FMO4: variants seen among roughly 807,000 people sequenced by gnomAD.
The protein encoded by FMO4 is dimethylaniline monooxygenase [N-oxide-forming] 4.
Under a neutral mutation model 43.3 loss-of-function variants are expected in FMO4, and 38 were observed. The ratio of observed to expected loss-of-function variants is 0.88; its 90% CI spans 0.68 to 1.15. The LOEUF is 1.15. Ranked by LOEUF, FMO4 falls within the 50% of genes most tolerant of loss-of-function variation. The pLI, the probability that FMO4 is intolerant of heterozygous loss-of-function variation, is 0.00. For synonymous variants in FMO4, 224 were observed against 232.2 expected (o/e 0.96, Z 0.32); for missense variants, 631 against 663.3 (o/e 0.95, Z 0.54).
chr1:171,324,581 G>A (rs553681651), intron 5 of FMO4, among the ~76,000 whole-genome samples: 43 of 152,126 alleles, frequency 2.8e-4, no homozygotes, highest in African/African-American at 9.4e-4. Context: ...AATCAGATCT[G>A]TCATGAAAAA....
chr1:171,341,784 G>C lies in FMO4; in HGVS notation c.1622G>C (p.Arg541Thr), dbSNP rs1360011832. ...TCTTCACTTTTCTTGAAATTGGTGA[G>C]AGATAAACTACAGGACAGAATGTCC... ...CKSSLFLKLV[R>T]DKLQDRMSPY... Residue 541 changes from arginine to threonine, a missense_variant, in exon 10 of 10, where the codon AGA (arginine) becomes ACA (threonine). Arg to Thr is a moderately conservative substitution (Grantham distance 71). Transcript: ENST00000367749. The C allele has an allele frequency of 6.2e-7, 1 of 1,613,852 alleles. No homozygotes were observed. Among genetic ancestry groups the C allele is most frequent in the Non-Finnish European group, 8.5e-7 (1 of 1,179,926 alleles).
chr1:171,331,578 C>T, intron 5 of FMO4, 62 bp from the exon 6 acceptor site: 1 of 1,526,200 alleles, frequency 6.6e-7, no homozygotes, highest in South Asian at 1.1e-5. Context: ...GACCCTATCC[C>T]TGCGTAGTGA....
intron 8 of FMO4, among the ~76,000 whole-genome samples, chr1:171,335,490 G>A (rs1208195464): frequency 6.6e-6 from 1 of 152,176 alleles, no homozygotes; most frequent in African/African-American, 2.4e-5. Flanking sequence ...AGATTAGCAA[G>A]CATTTTAGTT....
At chr1:171,330,109 A>G (rs1406839061) in intron 5 of FMO4, among the ~76,000 whole-genome samples, 1 of 152,250 alleles carries the variant, frequency 6.6e-6, no homozygotes, top group Non-Finnish European at 1.5e-5. Flanking sequence ...AAGTGAATGA[A>G]TGAATCAATG....
chr1:171,337,916 T>C (rs920434141), intron 9 of FMO4, among the ~76,000 whole-genome samples: 1 of 152,114 alleles, frequency 6.6e-6, no homozygotes, highest in African/African-American at 2.4e-5. Context: ...CTGACTCAAA[T>C]CTTTCTCCAG....
chr1:171,323,025 A>G lies in FMO4; in HGVS notation c.154A>G (p.Thr52Ala), dbSNP rs1257488704. Residue 52 changes from threonine to alanine, a missense_variant, in exon 4 of 10, where the codon ACC (threonine) becomes GCC (alanine). Thr to Ala is a moderately conservative substitution (Grantham distance 58). Transcript: ENST00000367749. Reference sequence around the variant, plus strand: ...ACAGGAATCTTCCAAAGATGGGATGACCAGGGTCTATAAGTCATTAGTGAC... The same window carrying G: ...ACAGGAATCTTCCAAAGATGGGATGGCCAGGGTCTATAAGTCATTAGTGAC... Reference protein sequence around the residue: ...KFTESSKDGMTRVYKSLVTNV... With the variant: ...KFTESSKDGMARVYKSLVTNV... 22 of 1,613,192 alleles carry G rather than the reference A, an allele frequency of 1.4e-5. No individual in the cohort carries two copies. The East Asian group carries it at 4.9e-4, about 36-fold the overall frequency.
Position 171,336,203 on chromosome 1 carries a change from G to C in FMO4, c.1181-1153G>C, listed in dbSNP as rs184412495. Among the ~76,000 whole-genome samples the C allele has an allele frequency of 2.6e-5, 4 of 152,164 alleles. No homozygotes were observed. The South Asian group carries it at 6.2e-4, about 24-fold the overall frequency. On this transcript the variant is annotated intron_variant, in intron 8 of 9. Transcript: ENST00000367749. The stretch of plus-strand genomic sequence containing the variant: ...GACAAAGGCAGGACTGGCCAGAATG[G>C]GATGGCAAACAGGGCAGACTAACAA...
Position 171,316,289 on chromosome 1 carries a change from G to A in FMO4, c.-47G>A, listed in dbSNP as rs1307342724. 6.6e-6 allele frequency: 1 copy of A among 152,128 alleles called. No individual in the cohort carries two copies. The highest frequency in any genetic ancestry group is 6.6e-5 in the Admixed American group (1 of 15,250). 9.4% of individuals were successfully genotyped at this position (152,128 alleles called of 1,614,324 possible). On this transcript the variant is annotated 5_prime_UTR_variant, in exon 2 of 10. Transcript: ENST00000367749. ...GGCCATTTGTTTCTGATTAGAAGCT[G>A]TCTAAACCTCCTACTCCTCAACTCA...
chr1:171,341,453 A>G lies in FMO4; in HGVS notation c.1291A>G (p.Ile431Val), dbSNP rs1300006451. Residue 431 changes from isoleucine (I) to valine (V), a missense_variant, in exon 10 of 10, where the codon ATT (isoleucine) becomes GTT (valine). By Grantham distance (29) the Ile-to-Val change is conservative (BLOSUM62 3). Coordinates refer to ENST00000367749, the MANE Select transcript of FMO4 (RefSeq NM_002022.3). ...CACCAGCAAAGACAAATTTGACTAC[A>G]TTGCCTACATGGATGATATCGCTGC... ...KDTSKDKFDY[I>V]AYMDDIAACI... 6.2e-7 allele frequency: 1 copy of G among 1,613,718 alleles called. No individual in the cohort carries two copies.
At chr1:171,327,586 A>G (rs1336985942) in intron 5 of FMO4, among the ~76,000 whole-genome samples, 1 of 152,068 alleles carries the variant, frequency 6.6e-6, no homozygotes, top group African/African-American at 2.4e-5. Flanking sequence ...GAATAATACT[A>G]TGGTCCACTC....
Position 171,323,411 on chromosome 1 carries a change from C to T in FMO4, c.321+219C>T, listed in dbSNP as rs138049278. On this transcript the variant is annotated intron_variant, in intron 4 of 9. Coordinates refer to ENST00000367749, the MANE Select transcript of FMO4 (RefSeq NM_002022.3). ...GGGTGCAGTGGCTCACACCTGTAATCGCAATACTTTGGAAGGCCGAGGCAG... is the reference window on the plus strand; with the variant it reads ...GGGTGCAGTGGCTCACACCTGTAATTGCAATACTTTGGAAGGCCGAGGCAG... Among the ~76,000 whole-genome samples the T allele has an allele frequency of 1.3e-3, 205 of 152,212 alleles. 1 individual carries two copies. Among genetic ancestry groups the T allele is most frequent in the South Asian group, 3.5e-3 (17 of 4,818 alleles).
chr1:171,329,878 G>C (rs1662825856), intron 5 of FMO4, among the ~76,000 whole-genome samples: 2 of 152,172 alleles, frequency 1.3e-5, no homozygotes, highest in Admixed American at 6.5e-5. Context: ...ATTGTTTACT[G>C]TCCAGCTTTG....
intron 5 of FMO4, among the ~76,000 whole-genome samples, chr1:171,329,931 T>C (rs1301858774): frequency 6.6e-6 from 1 of 152,348 alleles, no homozygotes; most frequent in East Asian, 1.9e-4. Context: ...CATTTTGTTA[T>C]ACAATCTACT....
chr1:171,328,701 T>A (rs1479075530), intron 5 of FMO4, among the ~76,000 whole-genome samples: 2 of 151,832 alleles, frequency 1.3e-5, no homozygotes, highest in African/African-American at 2.4e-5. Context: ...TGTCCTCACA[T>A]TCCTTAGACC....
chr1:171,340,402 C>T (rs1571416956), intron 9 of FMO4, among the ~76,000 whole-genome samples: 2 of 152,178 alleles, frequency 1.3e-5, no homozygotes, highest in Non-Finnish European at 2.9e-5. Context: ...TCCCTCCCCT[C>T]TCCCCCATTT....
At chr1:171,324,348 A>G in intron 5 of FMO4, 48 bp downstream of exon 5, 2 of 1,446,256 alleles carry the variant, frequency 1.4e-6, no homozygotes, top group African/African-American at 1.4e-5. Flanking sequence ...GGGTTCTTCT[A>G]GAAGTAAACT....
chr1:171,332,803 G>T lies in FMO4; in HGVS notation c.722G>T (p.Ser241Ile). The T allele has an allele frequency of 6.2e-7, 1 of 1,613,538 alleles. No homozygotes were observed. The highest frequency in any genetic ancestry group is 8.5e-7 in the Non-Finnish European group (1 of 1,179,578). The change falls in exon 7 of 10, where the codon AGT (serine) becomes ATT (isoleucine). Residue 241 changes from serine to isoleucine, a missense_variant. Ser to Ile is a moderately radical substitution (Grantham distance 142, BLOSUM62 -2). Coordinates refer to ENST00000367749, the MANE Select transcript of FMO4 (RefSeq NM_002022.3). ...ATGATGGTTACAAGAAGATGCTGTAGTTTTATTGCACAAGTTCTGCCTTCA... is the reference window on the plus strand; with the variant it reads ...ATGATGGTTACAAGAAGATGCTGTATTTTTATTGCACAAGTTCTGCCTTCA... ...YNMMVTRRCC[S>I]FIAQVLPSRF...
chr1:171,341,535 C>G lies in FMO4; in HGVS notation c.1373C>G (p.Ala458Gly). The G allele has an allele frequency of 6.2e-7, 1 of 1,613,972 alleles. No homozygotes were observed. Among genetic ancestry groups the G allele is most frequent in the Non-Finnish European group, 8.5e-7 (1 of 1,179,912 alleles). The change falls in exon 10 of 10, where the codon GCT becomes GGT. Residue 458 changes from alanine to glycine, a missense_variant. Ala to Gly is a moderately conservative substitution (Grantham distance 60, BLOSUM62 0). Coordinates refer to ENST00000367749, the MANE Select transcript of FMO4 (RefSeq NM_002022.3). Reference sequence around the variant, plus strand: ...CTGTTCCTCAAGGATCCCAGACTAGCTTGGGAAGTTTTCTTTGGACCATGT... The same window carrying G: ...CTGTTCCTCAAGGATCCCAGACTAGGTTGGGAAGTTTTCTTTGGACCATGT... ...PLLFLKDPRLAWEVFFGPCTP... is the reference protein window; with the variant it reads ...PLLFLKDPRLGWEVFFGPCTP...
chr1:171,331,719 G>C lies in FMO4; in HGVS notation c.564G>C (p.Leu188Phe), dbSNP rs368666375. Residue 188 changes from leucine (L) to phenylalanine (F), a missense_variant, in exon 6 of 10, where the codon TTG becomes TTC. Transcript: ENST00000367749. ...AAGGCTTTCAGGGCAAACGCGTCTTGGTGATTGGTCTTGGGAACACTGGAG... is the reference window on the plus strand; with the variant it reads ...AAGGCTTTCAGGGCAAACGCGTCTTCGTGATTGGTCTTGGGAACACTGGAG... Reference protein sequence around the residue: ...IPEGFQGKRVLVIGLGNTGGD... With the variant: ...IPEGFQGKRVFVIGLGNTGGD... 5.0e-6 allele frequency: 8 copies of C among 1,613,950 alleles called. No individual in the cohort carries two copies. Among genetic ancestry groups the C allele is most frequent in the Non-Finnish European group, 6.8e-6 (8 of 1,179,852 alleles).
Sources: gnomAD v4.1 joint callset for allele counts (sites outside exome capture counted in the v4.1 genomes callset) on GRCh38, gnomAD v4.1.1 for gene constraint, MANE v1.5 for transcripts, NCBI Gene and HGNC (gene_info 2026-07-23, HGNC 2026-07-21) for gene names.